Variants in CHUK observed in about 807,000 individuals in gnomAD.
CHUK encodes inhibitor of nuclear factor kappa-B kinase subunit alpha.
CHUK carries 35 observed loss-of-function variants against 104.8 expected under a neutral mutation model. That is an observed-to-expected ratio of 0.33 (90% CI 0.26 to 0.44). The LOEUF is 0.44. CHUK is among the 20% of genes least tolerant of loss of function. The pLI, the probability that CHUK is intolerant of heterozygous loss-of-function variation, is 1.00. For synonymous variants in CHUK, 276 were observed against 291.9 expected (o/e 0.95, Z 0.56); for missense variants, 663 against 902.7 (o/e 0.73, Z 3.40).
intron 20 of CHUK, chr10:100,190,234 T>C (rs1022213191): frequency 6.5e-6 from 1 of 154,874 alleles, no homozygotes; most frequent in African/African-American, 2.4e-5. Context: ...TTGGCCAGGC[T>C]AGTCTCAAAC....
Position 100,193,324 on chromosome 10 carries a change from CAGAG to C in CHUK, c.2078_2081del (p.Ser693CysfsTer5). The C allele has an allele frequency of 6.2e-7, 1 of 1,614,118 alleles. No individual in the cohort carries two copies. The highest frequency in any genetic ancestry group is 8.5e-7 in the Non-Finnish European group (1 of 1,179,972). On this transcript the variant is annotated frameshift_variant, in exon 19 of 21. Coordinates refer to ENST00000370397, the MANE Select transcript of CHUK (RefSeq NM_001278.5). LOFTEE classifies it high-confidence loss of function. ...CATCTTGAGGAGTTACCACACATGA[CAGAG>C]AATGATCATGTTCTGCTGAAGTCGG...
intron 11 of CHUK, among the ~76,000 whole-genome samples, 160 bp downstream of exon 11, chr10:100,207,070 T>A (rs1845605535): frequency 6.6e-6 from 1 of 152,178 alleles, no homozygotes; most frequent in African/African-American, 2.4e-5. Context: ...TTCCAAACTA[T>A]ATAAATCCAT....
chr10:100,201,939 T>A, intron 14 of CHUK, 149 bp downstream of exon 14: 1 of 689,188 alleles, frequency 1.5e-6, no homozygotes, highest in Non-Finnish European at 2.6e-6. Flanking sequence ...CTATGATACA[T>A]CCCTCTTTAT....
Position 100,222,121 on chromosome 10 carries a change from T to A in CHUK, c.376A>T (p.Ser126Cys), listed in dbSNP as rs34427437. 1.2e-3 allele frequency: 1,908 copies of A among 1,543,516 alleles called. 5 individuals carry two copies. The highest frequency in any genetic ancestry group is 1.5e-3 in the Non-Finnish European group (1,662 of 1,116,736). ...TAATACTGATACGTACCTATATCAC[T>A]TAGTAAAGAAAGTATCTGGCTTTCT... is the stretch of plus-strand genomic sequence containing the variant. Reference protein sequence around the residue: ...LKESQILSLLSDIGSGIRYLH... With the variant: ...LKESQILSLLCDIGSGIRYLH... The change falls in exon 4 of 21, where the codon AGT becomes TGT. Residue 126 changes from serine to cysteine, a missense_variant. By Grantham distance (112) the Ser-to-Cys change is moderately radical. This residue lies in a region of CHUK where 200 missense variants were observed against 333.0 expected (regional missense o/e 0.60). Transcript: ENST00000370397.
chr10:100,209,696 G>T lies in CHUK; in HGVS notation c.1027C>A (p.Arg343Ser). 6.3e-7 allele frequency: 1 copy of T among 1,578,064 alleles called. No individual in the cohort carries two copies. Among genetic ancestry groups the T allele is most frequent in the Non-Finnish European group, 8.7e-7 (1 of 1,147,258 alleles). Reference protein sequence around the residue: ...SLHSLQSRIERETGINTGSQE... With the variant: ...SLHSLQSRIESETGINTGSQE... ...GAACCAGTATTTATTCCAGTTTCACGCTCAATACGAGACTGTAGTGAATGA... is the reference window on the plus strand; with the variant it reads ...GAACCAGTATTTATTCCAGTTTCACTCTCAATACGAGACTGTAGTGAATGA... The change falls in exon 10 of 21, where the codon CGT becomes AGT. Residue 343 changes from arginine (R) to serine (S), a missense_variant. Coordinates refer to ENST00000370397, the MANE Select transcript of CHUK (RefSeq NM_001278.5).
chr10:100,209,715 T>C lies in CHUK; in HGVS notation c.1008A>G (p.Ser336=), dbSNP rs764768611. ...FLLPPDESLH[S]LQSRIERETG... is the part of the protein sequence containing the mutation. ...TTTCACGCTCAATACGAGACTGTAG[T>C]GAATGAAGACTTTCATCAGGTGGTA... The change falls in exon 10 of 21, where the codon TCA becomes TCG. Residue 336 remains serine (S), a synonymous_variant. Transcript: ENST00000370397. 28 of 1,571,950 alleles carry C rather than the reference T, an allele frequency of 1.8e-5. 1 individual carries two copies. The South Asian group carries it at 3.1e-4, about 17-fold the overall frequency.
chr10:100,213,486 CAAA>C (rs112195586), intron 9 of CHUK, among the ~76,000 whole-genome samples: 174 of 125,904 alleles, frequency 1.4e-3, no homozygotes, highest in African/African-American at 4.4e-3. Flanking sequence ...ACTCTTATCT[CAAA>C]AAAAAAAAAA....
intron 7 of CHUK, 80 bp from the exon 8 acceptor site, chr10:100,218,905 G>T: frequency 2.0e-6 from 3 of 1,518,766 alleles, no homozygotes; most frequent in Non-Finnish European, 2.7e-6. Flanking sequence ...ATATTTAATT[G>T]TATATTTCAA....
chr10:100,193,338 G>A lies in CHUK; in HGVS notation c.2068C>T (p.His690Tyr), dbSNP rs1845247158. The stretch of plus-strand genomic sequence containing the variant: ...ACCACACATGACAGAGAATGATCAT[G>A]TTCTGCTGAAGTCGGGGGCAGCCAT... The part of the protein sequence containing the change: ...SAWLPPTSAE[H>Y]DHSLSCVVTP... Residue 690 changes from histidine to tyrosine, a missense_variant, in exon 19 of 21, where the codon CAT becomes TAT. His to Tyr is a moderately conservative substitution (Grantham distance 83, BLOSUM62 2). Around this residue, in one of 5 missense-constraint regions of CHUK, gnomAD observed 311 missense variants for 393.4 expected, o/e 0.79. Transcript: ENST00000370397. The A allele has an allele frequency of 6.2e-7, 1 of 1,613,992 alleles. No individual in the cohort carries two copies. The highest frequency in any genetic ancestry group is 8.5e-7 in the Non-Finnish European group (1 of 1,179,996).
Position 100,194,119 on chromosome 10 carries a change from G to C in CHUK, c.1839C>G (p.Gly613=). The part of the protein sequence containing the change: ...ELFGHLSKLL[G]CKQKIIDLLP... ...GTAGATCAATAATCTTCTGCTTACA[G>C]CCCAACAACTTGCTGGAGAGATTAA... Residue 613 remains glycine (G), a synonymous_variant, in exon 18 of 21, where the codon GGC becomes GGG. Coordinates refer to ENST00000370397, the MANE Select transcript of CHUK (RefSeq NM_001278.5). 1 of 1,613,440 alleles carries C rather than the reference G, an allele frequency of 6.2e-7. No homozygotes were observed. Among genetic ancestry groups the C allele is most frequent in the Non-Finnish European group, 8.5e-7 (1 of 1,179,920 alleles).
intron 17 of CHUK, 132 bp downstream of exon 17, chr10:100,194,293 G>A: frequency 9.5e-7 from 1 of 1,047,964 alleles, no homozygotes; most frequent in South Asian, 1.3e-5. Context: ...GATAGCTATG[G>A]CCAAGCTACC....
chr10:100,215,636 G>A (rs886310897), intron 9 of CHUK, among the ~76,000 whole-genome samples: 2 of 152,034 alleles, frequency 1.3e-5, no homozygotes, highest in African/African-American at 4.8e-5. Context: ...ATAAACAGTT[G>A]GAAAATATGC....
rs17878869 is a variant in CHUK, at chr10:100,223,080, G to C, written c.201-100C>G. On this transcript the variant is annotated intron_variant, in intron 2 of 20. Coordinates refer to ENST00000370397, the MANE Select transcript of CHUK (RefSeq NM_001278.5). Reference sequence around the variant, plus strand: ...AATTGTGGGTGGATGAACAGAGGGGGAAAGATCAGTATTATTTATAATATT... The same window carrying C: ...AATTGTGGGTGGATGAACAGAGGGGCAAAGATCAGTATTATTTATAATATT... 3.1e-5 allele frequency: 21 copies of C among 667,904 alleles called. No homozygotes were observed. The African/African-American group carries it at 3.4e-4, about 11-fold the overall frequency. The allele number at this position is 667,904 out of a possible 1,614,324, so 41.4% of individuals were successfully genotyped here. A position where few individuals can be genotyped will look rare whatever the true frequency, so the allele number is the denominator to read the frequency against.
At chr10:100,208,408 G>A (rs1271398373) in intron 10 of CHUK, among the ~76,000 whole-genome samples, 4 of 151,758 alleles carry the variant, frequency 2.6e-5, no homozygotes, top group Admixed American at 1.3e-4. Context: ...ACCAAGCCAA[G>A]AAGGAATATT....
At chr10:100,204,215 A>G (rs1845536882) in intron 13 of CHUK, among the ~76,000 whole-genome samples, 1 of 152,220 alleles carries the variant, frequency 6.6e-6, no homozygotes, top group African/African-American at 2.4e-5. Flanking sequence ...AGAAGTCCAG[A>G]TTTTGTATTT....
intron 1 of CHUK, among the ~76,000 whole-genome samples, chr10:100,228,991 G>GCACACACACACACACACA (rs576139683): frequency 8.7e-6 from 1 of 114,914 alleles, no homozygotes; most frequent in South Asian, 2.9e-4. Flanking sequence ...GCGCGCGCGC[G>GCACACACACACACACACA]CGCACACACA....
chr10:100,194,197 A>G (rs1409798373), intron 17 of CHUK, 66 bp from the exon 18 acceptor site: 1 of 1,563,074 alleles, frequency 6.4e-7, no homozygotes, highest in Non-Finnish European at 8.8e-7. Flanking sequence ...TATTCCCAAA[A>G]CCCAGCTGAG....
chr10:100,210,091 A>ATTTATTTTTTTT (rs58570772), intron 9 of CHUK, among the ~76,000 whole-genome samples: 334 of 121,768 alleles, frequency 2.7e-3, no homozygotes, highest in African/African-American at 5.7e-3. Context: ...TTATTTATTT[A>ATTTATTTTTTTT]TTTTTTTTTT....
intron 4 of CHUK, among the ~76,000 whole-genome samples, chr10:100,221,787 G>A (rs1171109741): frequency 6.6e-6 from 1 of 152,024 alleles, no homozygotes; most frequent in African/African-American, 2.4e-5. Flanking sequence ...ACAGGCATGC[G>A]GCATTGTGCC....
Sources: allele counts gnomAD v4.1 joint callset (sites outside exome capture counted in the v4.1 genomes callset), GRCh38; gene constraint gnomAD v4.1.1; regional missense constraint gnomAD v4.1.1; transcripts MANE v1.5; gene names NCBI Gene and HGNC (gene_info 2026-07-23, HGNC 2026-07-21).